Variants in CNOT4 observed in about 807,000 individuals in gnomAD.
The protein encoded by CNOT4 is CCR4-associated factor 4.
In CNOT4, 8 loss-of-function variants were observed where a neutral mutation model predicts 73.8. The ratio of observed to expected loss-of-function variants is 0.11; its 90% CI spans 0.06 to 0.20. The LOEUF is 0.20. Ranked by LOEUF, CNOT4 falls within the 10% of genes least tolerant of loss-of-function variation. The pLI is 1.00. For synonymous variants in CNOT4, 293 were observed against 321.1 expected (o/e 0.91, Z 0.94); for missense variants, 564 against 883.4 (o/e 0.64, Z 4.58).
chr7:135,398,547 A>T (rs1796828275), intron 7 of CNOT4, among the ~76,000 whole-genome samples: 2 of 152,036 alleles, frequency 1.3e-5, no homozygotes, highest in Admixed American at 1.3e-4. Context: ...AATAAGTATA[A>T]TGCAAGTATC....
intron 10 of CNOT4, among the ~76,000 whole-genome samples, chr7:135,381,949 C>T (rs1171383011): frequency 6.6e-6 from 1 of 152,142 alleles, no homozygotes; most frequent in Non-Finnish European, 1.5e-5. Context: ...CAGTATGTTC[C>T]AGGGTCAGCT....
intron 10 of CNOT4, chr7:135,388,198 G>C: frequency 1.0e-6 from 1 of 985,120 alleles, no homozygotes; most frequent in South Asian, 4.7e-5. Flanking sequence ...CAAAAAGAAA[G>C]TGCAAAAGTG....
At chr7:135,460,586 C>T (rs1800816686) in intron 1 of CNOT4, among the ~76,000 whole-genome samples, 1 of 152,044 alleles carries the variant, frequency 6.6e-6, no homozygotes, top group Admixed American at 6.6e-5. Context: ...CTCAAAACAG[C>T]TATAATAGTA....
chr7:135,366,125 A>C (rs566200987), intron 10 of CNOT4, among the ~76,000 whole-genome samples: 36 of 152,356 alleles, frequency 2.4e-4, no homozygotes, highest in Admixed American at 1.6e-3. Flanking sequence ...CGAGTGGCTA[A>C]TGTCCCTAAG....
chr7:135,455,427 C>T lies in CNOT4; in HGVS notation c.-92-17004G>A, dbSNP rs1800464715. The stretch of plus-strand genomic sequence containing the variant: ...TAGTTTTACTAATCTTGAAATTGCA[C>T]ATAAATATATTCTATACACATTTAA... On this transcript the variant is annotated intron_variant, in intron 1 of 11. Transcript: ENST00000541284. Among the ~76,000 whole-genome samples the T allele has an allele frequency of 3.9e-5, 6 of 152,126 alleles. No homozygotes were observed. The South Asian group carries it at 1.0e-3, about 26-fold the overall frequency.
chr7:135,413,413 C>T (rs946941247), intron 6 of CNOT4, 75 bp downstream of exon 6: 2 of 1,533,374 alleles, frequency 1.3e-6, no homozygotes, highest in Admixed American at 2.0e-5. Flanking sequence ...TTAGTTTTTG[C>T]TTTTGCAATG....
In CNOT4 at chr7:135,364,306, C is replaced by A. The variant is rs549845696; in HGVS notation, c.1628-240G>T. On this transcript the variant is annotated intron_variant, in intron 10 of 11. Transcript: ENST00000541284. The surrounding 1 kb of genome is among the most constrained non-coding windows in gnomAD (Gnocchi z 4.3). ...GAGGGAGGTTCTTGTCTCTCTATAG[C>A]CTCTTCACCATTATGGGTTTGTAAA... Among the ~76,000 whole-genome samples the A allele has an allele frequency of 9.2e-5, 14 of 152,246 alleles. No homozygotes were observed. The South Asian group carries it at 2.7e-3, about 29-fold the overall frequency.
chr7:135,369,105 C>T (rs1454025805), intron 10 of CNOT4, among the ~76,000 whole-genome samples: 2 of 152,094 alleles, frequency 1.3e-5, no homozygotes, highest in East Asian at 1.9e-4. Flanking sequence ...TTCCTTCCCA[C>T]CTTGATTTCA....
At position 135,413,803 on chromosome 7, in the gene CNOT4, G is replaced by C. The variant is rs17168427; in HGVS notation, c.562-190C>G. On this transcript the variant is annotated intron_variant, in intron 5 of 11. Transcript: ENST00000541284. ...ATTTATTATAGATGAGGCTCATTTGGAAGAACTAAAGGAAACATCTGTCTA... is the reference window on the plus strand; with the variant it reads ...ATTTATTATAGATGAGGCTCATTTGCAAGAACTAAAGGAAACATCTGTCTA... 2.8e-4 allele frequency among the ~76,000 whole-genome samples: 42 copies of C among 152,124 alleles called. No individual in the cohort carries two copies. In the East Asian group the frequency reaches 6.8e-3, roughly 24 times the overall value.
At chr7:135,463,598 A>C (rs979316433) in intron 1 of CNOT4, among the ~76,000 whole-genome samples, 1 of 151,892 alleles carries the variant, frequency 6.6e-6, no homozygotes, top group African/African-American at 2.4e-5. Flanking sequence ...AACCTAGACA[A>C]ATACCATCCT....
chr7:135,443,356 A>C (rs56257080), intron 1 of CNOT4, among the ~76,000 whole-genome samples: 18,060 of 147,554 alleles, frequency 0.12, 1,323 homozygotes, highest in African/African-American at 0.21. Flanking sequence ...TCCTGTCACA[A>C]AAAAAAAAAA....
intron 1 of CNOT4, among the ~76,000 whole-genome samples, chr7:135,445,363 G>A (rs1385557941): frequency 6.6e-6 from 1 of 152,134 alleles, no homozygotes; most frequent in Non-Finnish European, 1.5e-5. Flanking sequence ...AAATTAGACA[G>A]TGATTAATTT....
chr7:135,430,927 C>T (rs1798790878), intron 2 of CNOT4, among the ~76,000 whole-genome samples: 1 of 152,230 alleles, frequency 6.6e-6, no homozygotes, highest in African/African-American at 2.4e-5. Flanking sequence ...TAATATTAAA[C>T]ACTAGAGGAG....
At chr7:135,396,724 ACTC>A (rs1408948971) in intron 8 of CNOT4, among the ~76,000 whole-genome samples, 1 of 152,000 alleles carries the variant, frequency 6.6e-6, no homozygotes, top group East Asian at 1.9e-4. Flanking sequence ...CTGATATAAT[ACTC>A]CTCCTTCCAT....
At chr7:135,477,188 C>T (rs2129487043) in intron 1 of CNOT4, among the ~76,000 whole-genome samples, 1 of 151,724 alleles carries the variant, frequency 6.6e-6, no homozygotes, top group African/African-American at 2.4e-5. Context: ...GTTAAAAATA[C>T]AAAAATTAGC....
chr7:135,484,690 G>A (rs1802605757), intron 1 of CNOT4, among the ~76,000 whole-genome samples: 2 of 151,620 alleles, frequency 1.3e-5, no homozygotes, highest in Non-Finnish European at 2.9e-5. Flanking sequence ...AGGAAGCGGA[G>A]GTTGCAGTGA....
chr7:135,491,855 T>C (rs1037071281), intron 1 of CNOT4, among the ~76,000 whole-genome samples: 1 of 152,186 alleles, frequency 6.6e-6, no homozygotes, highest in Non-Finnish European at 1.5e-5. Context: ...CATACTACAC[T>C]GTATATAAAG....
In CNOT4 at chr7:135,509,904, C is replaced by A. The variant is rs374913445; in HGVS notation, c.-108G>T. The stretch of plus-strand genomic sequence containing the variant: ...ATAGACTCACCCGCCTGCCTTGCCT[C>A]GCTTTTCCCTCAGCCGACTCCACGG... On this transcript the variant is annotated 5_prime_UTR_variant, in exon 1 of 12. Transcript: ENST00000541284. 23 of 396,710 alleles carry A rather than the reference C, an allele frequency of 5.8e-5. No homozygotes were observed. The highest frequency in any genetic ancestry group is 3.2e-4 in the East Asian group (9 of 27,944). 24.6% of individuals were successfully genotyped at this position (396,710 alleles called of 1,614,324 possible). A position where few individuals can be genotyped will look rare whatever the true frequency, so the allele number is the denominator to read the frequency against.
intron 10 of CNOT4, chr7:135,386,973 T>C (rs1268620522): frequency 1.1e-5 from 6 of 541,574 alleles, no homozygotes; most frequent in Non-Finnish European, 2.4e-6. Context: ...AGGCTAACAC[T>C]GAATGCTGGA....
Sources: gnomAD v4.1 joint callset for allele counts (sites outside exome capture counted in the v4.1 genomes callset) on GRCh38, gnomAD v4.1.1 for gene constraint, Gnocchi (gnomAD v3.1) non-coding constraint, MANE v1.5 for transcripts, NCBI Gene and HGNC (gene_info 2026-07-23, HGNC 2026-07-21) for gene names.